Variants in ITGA9 observed in about 807,000 individuals in gnomAD.
The protein encoded by ITGA9 is integrin subunit alpha 9.
ITGA9 carries 56 observed loss-of-function variants against 127.8 expected under a neutral mutation model. That is an observed-to-expected ratio of 0.44 (90% confidence interval 0.35 to 0.55). ITGA9 has a LOEUF of 0.55. ITGA9 is among the 20% of genes least tolerant of loss of function. The pLI, the probability that ITGA9 is intolerant of heterozygous loss-of-function variation, is 0.00. For missense variants in ITGA9, 1,196 were observed against 1,347.1 expected, an observed-to-expected ratio of 0.89 and a Z score of 1.76; for synonymous variants, 508 against 514.5, an observed-to-expected ratio of 0.99 and a Z score of 0.17.
chr3:37,497,249 T>G (rs1698740897), intron 5 of ITGA9, among the ~76,000 whole-genome samples: 1 of 152,142 alleles, frequency 6.6e-6, no homozygotes, highest in African/African-American at 2.4e-5. Flanking sequence ...TTCATCAGCC[T>G]TTTTCTTATG....
At chr3:37,775,639 C>A (rs1696897633) in intron 23 of ITGA9, among the ~76,000 whole-genome samples, 1 of 101,792 alleles carries the variant, frequency 9.8e-6, no homozygotes, top group Admixed American at 1.2e-4. Flanking sequence ...GTGAGCGACT[C>A]CATCTCAAAA....
intron 23 of ITGA9, among the ~76,000 whole-genome samples, chr3:37,764,466 TAAAAAAAAAAAAA>T (rs10694316): frequency 2.7e-5 from 2 of 74,672 alleles, no homozygotes; most frequent in East Asian, 4.1e-4. Flanking sequence ...AGATTCTCAG[TAAAAAAAAAAAAA>T]AAAAAAAAAA....
At chr3:37,770,525 A>G (rs1696830007) in intron 23 of ITGA9, among the ~76,000 whole-genome samples, 1 of 152,126 alleles carries the variant, frequency 6.6e-6, no homozygotes, top group Non-Finnish European at 1.5e-5. Context: ...TGGAAATGCC[A>G]TTTCCTCCAA....
At chr3:37,598,527 A>C (rs529572189) in intron 15 of ITGA9, among the ~76,000 whole-genome samples, 95 of 152,308 alleles carry the variant, frequency 6.2e-4, no homozygotes, top group African/African-American at 2.2e-3. Flanking sequence ...TGATTAATCA[A>C]TGTCCAGTGG....
Position 37,683,981 on chromosome 3 carries a change from C to T in ITGA9, c.2033C>T (p.Ser678Phe). ...GATGCCAACGTGTCCTTCAATGTTT[C>T]CCGGGAGCTCTTCTTCATCAACATG... ...AYDANVSFNV[S>F]RELFFINMWQ... Residue 678 changes from serine to phenylalanine, a missense_variant, in exon 18 of 28, where the codon TCC becomes TTC. Ser to Phe is a radical substitution (Grantham distance 155, BLOSUM62 -2). Transcript: ENST00000264741. 1 of 1,613,912 alleles carries T rather than the reference C, an allele frequency of 6.2e-7. No individual in the cohort carries two copies. The highest frequency in any genetic ancestry group is 8.5e-7 in the Non-Finnish European group (1 of 1,179,948).
At chr3:37,810,520 A>G (rs1575249028) in intron 27 of ITGA9, among the ~76,000 whole-genome samples, 1 of 152,006 alleles carries the variant, frequency 6.6e-6, no homozygotes, top group African/African-American at 2.4e-5. Flanking sequence ...GGTTCAAGCA[A>G]TTCTCCTGCC....
At chr3:37,780,662 CA>C (rs1696966169) in intron 25 of ITGA9, among the ~76,000 whole-genome samples, 1 of 152,132 alleles carries the variant, frequency 6.6e-6, no homozygotes, top group Non-Finnish European at 1.5e-5. Flanking sequence ...ATTTTTTATA[CA>C]ATACTTCTTT....
intron 26 of ITGA9, among the ~76,000 whole-genome samples, chr3:37,789,086 C>T (rs1697074450): frequency 6.6e-6 from 1 of 152,148 alleles, no homozygotes; most frequent in Non-Finnish European, 1.5e-5. Flanking sequence ...ATTATTTTCT[C>T]CTGTGTGCCT....
At chr3:37,580,536 T>C (rs937306758) in intron 15 of ITGA9, among the ~76,000 whole-genome samples, 3 of 152,210 alleles carry the variant, frequency 2.0e-5, no homozygotes, top group Non-Finnish European at 2.9e-5. Context: ...CCCTCTAGCA[T>C]TGGAAGCTTA....
At chr3:37,592,770 A>G (rs1699833174) in intron 15 of ITGA9, among the ~76,000 whole-genome samples, 1 of 152,170 alleles carries the variant, frequency 6.6e-6, no homozygotes, top group Non-Finnish European at 1.5e-5. Context: ...AATGGAGTTA[A>G]CAGGAAGATG....
chr3:37,553,339 A>G (rs575445959), intron 15 of ITGA9, among the ~76,000 whole-genome samples: 48 of 152,312 alleles, frequency 3.2e-4, no homozygotes, highest in Middle Eastern at 6.8e-3. Context: ...AGTTATCTTC[A>G]TGTCCTTGGT....
intron 10 of ITGA9, 56 bp from the exon 11 acceptor site, chr3:37,519,204 C>A: frequency 7.7e-7 from 1 of 1,297,600 alleles, no homozygotes; most frequent in Middle Eastern, 1.8e-4. Context: ...ATTAGGGAAG[C>A]TGCACTTGTA....
intron 15 of ITGA9, among the ~76,000 whole-genome samples, chr3:37,619,719 A>C (rs1406571280): frequency 2.0e-5 from 3 of 152,222 alleles, no homozygotes; most frequent in African/African-American, 7.2e-5. Context: ...GCCGTACTCA[A>C]GGTGCCAGCC....
intron 23 of ITGA9, 72 bp downstream of exon 23, chr3:37,750,641 T>C (rs1327004914): frequency 9.9e-7 from 1 of 1,009,344 alleles, no homozygotes; most frequent in Non-Finnish European, 1.6e-6. Flanking sequence ...TATTCCACCC[T>C]ACCCTGACAT....
intron 18 of ITGA9, among the ~76,000 whole-genome samples, chr3:37,726,482 A>G (rs1416894252): frequency 6.6e-6 from 1 of 152,226 alleles, no homozygotes; most frequent in Non-Finnish European, 1.5e-5. Context: ...ACTGACATCA[A>G]ATGCTTGTAT....
chr3:37,580,009 A>G (rs564666144), intron 15 of ITGA9, among the ~76,000 whole-genome samples: 1 of 152,366 alleles, frequency 6.6e-6, no homozygotes, highest in African/African-American at 2.4e-5. Flanking sequence ...AGTTATCAAT[A>G]ATGTTGGAAA....
chr3:37,496,034 G>C (rs887753425), intron 5 of ITGA9, among the ~76,000 whole-genome samples: 1 of 152,258 alleles, frequency 6.6e-6, no homozygotes, highest in East Asian at 1.9e-4. Flanking sequence ...ATGGGACATG[G>C]GGGGTGGAGG....
At chr3:37,468,966 G>T (rs1698400018) in intron 1 of ITGA9, among the ~76,000 whole-genome samples, 1 of 152,224 alleles carries the variant, frequency 6.6e-6, no homozygotes, top group African/African-American at 2.4e-5. Flanking sequence ...TTTCCAAATG[G>T]CTCGTAGCTC....
At chr3:37,471,558 G>C (rs918809823) in intron 2 of ITGA9, among the ~76,000 whole-genome samples, 1 of 152,168 alleles carries the variant, frequency 6.6e-6, no homozygotes, top group African/African-American at 2.4e-5. Flanking sequence ...AGCACAGAGC[G>C]AGGTTGTGCA....
Sources: allele counts gnomAD v4.1 joint callset (sites outside exome capture counted in the v4.1 genomes callset), GRCh38; gene constraint gnomAD v4.1.1; transcripts MANE v1.5; gene names NCBI Gene and HGNC (gene_info 2026-07-23, HGNC 2026-07-21).